DNAJC24: variants seen among roughly 807,000 people sequenced by gnomAD.
DNAJC24 encodes the protein DnaJ heat shock protein family (Hsp40) member C24.
Under a neutral mutation model 18.0 loss-of-function variants are expected in DNAJC24, and 17 were observed. The ratio of observed to expected loss-of-function variants is 0.94; its 90% CI spans 0.65 to 1.42. DNAJC24 has a LOEUF of 1.42. Among genes scored for constraint, DNAJC24 ranks in the 40% most tolerant of loss-of-function variants. DNAJC24 has a pLI of 0.00. For synonymous variants in DNAJC24, 55 were observed against 57.7 expected (o/e 0.95, Z 0.21); for missense variants, 158 against 175.6 (o/e 0.90, Z 0.57).
rs1272718678 is a variant in DNAJC24, at chr11:31,388,374, A to T, written c.111+17515A>T. On this transcript the variant is annotated intron_variant, in intron 2 of 4. Transcript: ENST00000465995. ...GAGGATCCTAAAAGCAGCAAGAGAA[A>T]AGAATCAAATAGCATGCAAAGGAGC... Among the ~76,000 whole-genome samples the T allele has an allele frequency of 2.0e-5, 3 of 152,200 alleles. No individual in the cohort carries two copies. The East Asian group carries it at 5.8e-4, about 29-fold the overall frequency.
chr11:31,371,462 C>T (rs570790923), intron 2 of DNAJC24, among the ~76,000 whole-genome samples: 80 of 152,280 alleles, frequency 5.3e-4, no homozygotes, highest in African/African-American at 1.9e-3. Context: ...TTTCTACTGG[C>T]TCCTTTTTTA....
At chr11:31,415,076 A>G in intron 3 of DNAJC24, 127 bp downstream of exon 3, 3 of 1,028,760 alleles carry the variant, frequency 2.9e-6, no homozygotes, top group East Asian at 5.4e-5. Flanking sequence ...CCTCCCCTCC[A>G]TCACTGTTTT....
At chr11:31,403,125 A>ATTGTGTG (rs140727906) in intron 2 of DNAJC24, among the ~76,000 whole-genome samples, 3 of 146,566 alleles carry the variant, frequency 2.0e-5, no homozygotes, top group Non-Finnish European at 4.5e-5. Context: ...GCATATATGC[A>ATTGTGTG]TGTGTGTGTG....
At chr11:31,394,661 A>G (rs1258773749) in intron 2 of DNAJC24, among the ~76,000 whole-genome samples, 3 of 152,106 alleles carry the variant, frequency 2.0e-5, no homozygotes, top group Non-Finnish European at 4.4e-5. Context: ...ATATTTAACA[A>G]ATATTATGTT....
chr11:31,387,083 C>T (rs1564948864), intron 2 of DNAJC24, among the ~76,000 whole-genome samples: 2 of 152,136 alleles, frequency 1.3e-5, no homozygotes, highest in Non-Finnish European at 2.9e-5. Flanking sequence ...AGCTACAGTA[C>T]AATAGAGCAC....
chr11:31,403,784 C>G (rs562111438), intron 2 of DNAJC24, among the ~76,000 whole-genome samples: 1 of 152,226 alleles, frequency 6.6e-6, no homozygotes, highest in East Asian at 1.9e-4. Context: ...CTGGGTGTTA[C>G]AGGAAAGAGG....
At position 31,370,853 on chromosome 11, in the gene DNAJC24, A is replaced by G. The variant is rs367917727; in HGVS notation, c.105A>G (p.Ile35Met). 7.9e-5 allele frequency: 125 copies of G among 1,578,634 alleles called. No individual in the cohort carries two copies. In the South Asian group the frequency reaches 9.3e-4, roughly 12 times the overall value. Residue 35 changes from isoleucine (I) to methionine (M), a missense_variant, in exon 2 of 5, where the codon ATA (isoleucine) becomes ATG (methionine). By Grantham distance (10) the Ile-to-Met change is conservative. Transcript: ENST00000465995. ...TAAAACAAAAATATCAAAAACTCATATTAATGGTAAGTCTTTTCTTTCAGA... is the reference window on the plus strand; with the variant it reads ...TAAAACAAAAATATCAAAAACTCATGTTAATGGTAAGTCTTTTCTTTCAGA... The part of the protein sequence containing the change: ...SDLKQKYQKL[I>M]LMYHPDKQST...
At chr11:31,377,002 T>C (rs1952322444) in intron 2 of DNAJC24, among the ~76,000 whole-genome samples, 1 of 152,136 alleles carries the variant, frequency 6.6e-6, no homozygotes, top group Non-Finnish European at 1.5e-5. Flanking sequence ...AAAACAGGCT[T>C]TTAAAGTTCG....
chr11:31,376,810 A>G (rs1010430926), intron 2 of DNAJC24, among the ~76,000 whole-genome samples: 1 of 152,166 alleles, frequency 6.6e-6, no homozygotes, highest in Non-Finnish European at 1.5e-5. Flanking sequence ...AGTATTATGG[A>G]AGGTCAGACA....
In DNAJC24 at chr11:31,374,601, T is replaced by G. The variant is rs1336798582; in HGVS notation, c.111+3742T>G. 2.2e-5 allele frequency among the ~76,000 whole-genome samples: 3 copies of G among 134,870 alleles called. 1 individual carries two copies. Among genetic ancestry groups the G allele is most frequent in the Non-Finnish European group, 5.1e-5 (3 of 58,424 alleles). 88.5% of individuals were successfully genotyped at this position (134,870 alleles called of 152,430 possible). A position where few individuals can be genotyped will look rare whatever the true frequency, so the allele number is the denominator to read the frequency against. ...ATGTCTAAATTTAGTATCATAGTTA[T>G]GCTAGCCCCATAAAATGAATTGTGA... On this transcript the variant is annotated intron_variant, in intron 2 of 4. Coordinates refer to ENST00000465995, the MANE Select transcript of DNAJC24 (RefSeq NM_181706.5).
chr11:31,405,927 C>G (rs996280362), intron 2 of DNAJC24, among the ~76,000 whole-genome samples: 1 of 152,218 alleles, frequency 6.6e-6, no homozygotes. Flanking sequence ...CAAAATTAGC[C>G]TTTTATAAGG....
At chr11:31,382,928 T>G (rs1281234685) in intron 2 of DNAJC24, among the ~76,000 whole-genome samples, 1 of 152,226 alleles carries the variant, frequency 6.6e-6, no homozygotes, top group Non-Finnish European at 1.5e-5. Context: ...TTCCCATGTT[T>G]CCTTCTTTGT....
chr11:31,391,362 C>A (rs182187400), intron 2 of DNAJC24, among the ~76,000 whole-genome samples: 116 of 152,224 alleles, frequency 7.6e-4, no homozygotes, highest in African/African-American at 2.6e-3. Context: ...GAGCAAACTA[C>A]CCATCTGACA....
At chr11:31,373,973 A>T in intron 2 of DNAJC24, 1 of 232,042 alleles carries the variant, frequency 4.3e-6, no homozygotes, top group Non-Finnish European at 9.4e-6. Context: ...TTTGCTTTTT[A>T]ATTTTCATAG....
intron 2 of DNAJC24, among the ~76,000 whole-genome samples, chr11:31,414,209 A>G (rs149771693): frequency 3.3e-5 from 5 of 152,316 alleles, no homozygotes; most frequent in African/African-American, 1.2e-4. Flanking sequence ...TGAATTCTTT[A>G]AAGTTATTTC....
intron 2 of DNAJC24, among the ~76,000 whole-genome samples, chr11:31,371,381 C>T (rs1289197932): frequency 1.3e-5 from 2 of 152,262 alleles, no homozygotes; most frequent in African/African-American, 4.8e-5. Context: ...TATTTTTCCT[C>T]TACTGTGTCC....
At chr11:31,411,575 T>C (rs1952710228) in intron 2 of DNAJC24, among the ~76,000 whole-genome samples, 1 of 152,216 alleles carries the variant, frequency 6.6e-6, no homozygotes, top group African/African-American at 2.4e-5. Context: ...AGGCATTCCT[T>C]GGCTTGTGGC....
Position 31,430,396 on chromosome 11 carries a change from AACT to A in DNAJC24, c.447_449del (p.Asn149_Ter150delinsLys). The A allele has an allele frequency of 6.2e-7, 1 of 1,601,982 alleles. No homozygotes were observed. The highest frequency in any genetic ancestry group is 8.5e-7 in the Non-Finnish European group (1 of 1,172,664). On this transcript the variant is annotated stop_lost and inframe_deletion, in exon 5 of 5. Coordinates refer to ENST00000465995, the MANE Select transcript of DNAJC24 (RefSeq NM_181706.5). ...ACTAATTATAGAACTCCTTCATTAT[AACT>A]AAAATTGTTCACAACTTGAAATGCT...
chr11:31,425,318 C>G (rs1052867512), intron 3 of DNAJC24, among the ~76,000 whole-genome samples: 1 of 152,130 alleles, frequency 6.6e-6, no homozygotes, highest in African/African-American at 2.4e-5. Context: ...GATTAATAGG[C>G]TTTTACATTT....
Sources: gnomAD v4.1 joint callset for allele counts (sites outside exome capture counted in the v4.1 genomes callset) on GRCh38, gnomAD v4.1.1 for gene constraint, MANE v1.5 for transcripts, NCBI Gene and HGNC (gene_info 2026-07-23, HGNC 2026-07-21) for gene names.